The following GABRB1 variants were observed in gnomAD, a reference collection of about 807,000 sequenced individuals.
GABRB1 encodes gamma-aminobutyric acid receptor subunit beta-1.
GABRB1 carries 17 observed loss-of-function variants against 51.6 expected under a neutral mutation model. The ratio of observed to expected loss-of-function variants is 0.33; its 90% CI spans 0.23 to 0.49. The LOEUF (loss-of-function observed/expected upper bound fraction) is 0.49, where lower values mean the gene tolerates loss of function less well. GABRB1 is among the 20% of genes least tolerant of loss of function. The pLI is 0.99. For missense variants in GABRB1, 410 were observed against 600.6 expected (o/e 0.68, Z 3.32); for synonymous variants, 247 against 218.9 (o/e 1.13, Z -1.14).
At chr4:47,162,749 G>T (rs1352060663) in intron 4 of GABRB1, among the ~76,000 whole-genome samples, 1 of 152,010 alleles carries the variant, frequency 6.6e-6, no homozygotes. Flanking sequence ...CCATTCAAGT[G>T]CACTTAGAAG....
At chr4:47,301,010 T>C (rs1724238623) in intron 4 of GABRB1, among the ~76,000 whole-genome samples, 1 of 152,150 alleles carries the variant, frequency 6.6e-6, no homozygotes, top group African/African-American at 2.4e-5. Context: ...TGAAACCAAA[T>C]TCCCAGTCAT....
chr4:47,388,258 G>T (rs1157191558), intron 5 of GABRB1, among the ~76,000 whole-genome samples: 3 of 152,332 alleles, frequency 2.0e-5, no homozygotes, highest in Middle Eastern at 3.4e-3. Flanking sequence ...AATGCCTGGA[G>T]TCTAAATGCC....
intron 5 of GABRB1, among the ~76,000 whole-genome samples, chr4:47,371,576 T>C (rs536909469): frequency 6.6e-6 from 1 of 152,220 alleles, no homozygotes; most frequent in Non-Finnish European, 1.5e-5. Context: ...TGTTCCTTTT[T>C]CTCCACAACC....
intron 5 of GABRB1, among the ~76,000 whole-genome samples, chr4:47,320,770 CTTTTT>C (rs11313211): frequency 9.5e-6 from 1 of 105,032 alleles, no homozygotes; most frequent in Admixed American, 1.0e-4. Context: ...TTTCTTTTTT[CTTTTT>C]TTTTTTTTTT....
intron 3 of GABRB1, among the ~76,000 whole-genome samples, chr4:47,070,193 G>A (rs1191177363): frequency 2.0e-5 from 3 of 151,838 alleles, no homozygotes; most frequent in Non-Finnish European, 4.4e-5. Context: ...GCACCACCAT[G>A]CCCAGCTAAT....
intron 3 of GABRB1, among the ~76,000 whole-genome samples, chr4:47,094,063 A>T (rs1466253245): frequency 6.6e-6 from 1 of 151,828 alleles, no homozygotes; most frequent in African/African-American, 2.4e-5. Context: ...GGAGGGAGTG[A>T]TGTTCTAACA....
chr4:47,254,361 G>GGTTTTTTTTTTTTTTTTTTTTTT lies in GABRB1; in HGVS notation c.462-65766_462-65765insGTTTTTTTTTTTTTTTTTTTTTT, dbSNP rs1305298443. On this transcript the variant is annotated intron_variant, in intron 4 of 8. Coordinates refer to ENST00000295454, the MANE Select transcript of GABRB1 (RefSeq NM_000812.4). ...ATGGTGGATGATGTTTCTTTTCTTT[G>GGTTTTTTTTTTTTTTTTTTTTTT]TTTTTTTTTTTTTTTTTTTTTTTTT... is the stretch of plus-strand genomic sequence containing the variant. Among the ~76,000 whole-genome samples, 9 of 80,966 alleles carry GGTTTTTTTTTTTTTTTTTTTTTT rather than the reference G, an allele frequency of 1.1e-4. 3 individuals carry two copies. Among genetic ancestry groups the GGTTTTTTTTTTTTTTTTTTTTTT allele is most frequent in the African/African-American group, 2.1e-4 (4 of 19,264 alleles). The allele number at this position is 80,966 out of a possible 152,430, so 53.1% of individuals were successfully genotyped here.
At chr4:47,380,267 T>G (rs1727547608) in intron 5 of GABRB1, among the ~76,000 whole-genome samples, 1 of 152,226 alleles carries the variant, frequency 6.6e-6, no homozygotes, top group Non-Finnish European at 1.5e-5. Flanking sequence ...GTAATAACTT[T>G]AGTAAAAGAT....
upstream of GABRB1, among the ~76,000 whole-genome samples, chr4:47,030,797 A>G (rs1325738256): frequency 6.6e-6 from 1 of 152,164 alleles, no homozygotes; most frequent in Non-Finnish European, 1.5e-5. Context: ...AATGCTGTCA[A>G]TTTAAGAAGG....
chr4:47,393,735 C>CT (rs1485755907), intron 5 of GABRB1, among the ~76,000 whole-genome samples: 3 of 152,220 alleles, frequency 2.0e-5, no homozygotes, highest in Non-Finnish European at 4.4e-5. Context: ...GGCAGGCCTG[C>CT]TCTACCCATC....
At chr4:47,413,733 A>G (rs1728831758) in intron 8 of GABRB1, among the ~76,000 whole-genome samples, 1 of 152,138 alleles carries the variant, frequency 6.6e-6, no homozygotes, top group African/African-American at 2.4e-5. Flanking sequence ...CTGGCTGGGC[A>G]GTCAGGTCAA....
chr4:47,276,283 T>C (rs1355873939), intron 4 of GABRB1, among the ~76,000 whole-genome samples: 3 of 152,112 alleles, frequency 2.0e-5, no homozygotes, highest in East Asian at 3.9e-4. Flanking sequence ...TTTGCTTATA[T>C]TTGGTTGTCA....
rs112057484 is a variant in GABRB1, at chr4:47,367,629, G to A, written c.545-35689G>A. On this transcript the variant is annotated intron_variant, in intron 5 of 8. Coordinates refer to ENST00000295454, the MANE Select transcript of GABRB1 (RefSeq NM_000812.4). Reference sequence around the variant, plus strand: ...TTCCCTAGAACTCCTTTGCTGTCCCGTGTGGCAGCTCTTTGTAGTTTCTTG... The same window carrying A: ...TTCCCTAGAACTCCTTTGCTGTCCCATGTGGCAGCTCTTTGTAGTTTCTTG... Among the ~76,000 whole-genome samples, 918 of 152,284 alleles carry A rather than the reference G, an allele frequency of 6.0e-3. 9 individuals are homozygous for A. The highest frequency in any genetic ancestry group is 0.02 in the African/African-American group (847 of 41,554).
rs34566582 is a variant in GABRB1, at chr4:47,311,060, C to CAAA, written c.462-9046_462-9044dup. On this transcript the variant is annotated intron_variant, in intron 4 of 8. Coordinates refer to ENST00000295454, the MANE Select transcript of GABRB1 (RefSeq NM_000812.4). Reference sequence around the variant, plus strand: ...TGGGTAACAGAGAGCAACTCTGTCTCAAAAAAAAAAAAAAAAAAAAAAACA... The same window carrying CAAA: ...TGGGTAACAGAGAGCAACTCTGTCTCAAAAAAAAAAAAAAAAAAAAAAAAAACA... Among the ~76,000 whole-genome samples, 140 of 51,866 alleles carry CAAA rather than the reference C, an allele frequency of 2.7e-3. 2 individuals carry two copies. The highest frequency in any genetic ancestry group is 3.0e-3 in the Non-Finnish European group (93 of 30,574). 34.0% of individuals were successfully genotyped at this position (51,866 alleles called of 152,430 possible).
chr4:47,324,600 C>A, intron 5 of GABRB1, among the ~76,000 whole-genome samples: 1 of 152,198 alleles, frequency 6.6e-6, no homozygotes, highest in South Asian at 2.1e-4. Flanking sequence ...TACCCACCTC[C>A]CGCCTCTGCT....
chr4:47,062,763 A>G (rs1416217297), intron 3 of GABRB1, among the ~76,000 whole-genome samples: 1 of 152,082 alleles, frequency 6.6e-6, no homozygotes, highest in East Asian at 1.9e-4. Flanking sequence ...CTCTGTTTTG[A>G]TTCTTTTACC....
chr4:47,254,057 T>C (rs1039869849), intron 4 of GABRB1, among the ~76,000 whole-genome samples: 4 of 152,182 alleles, frequency 2.6e-5, no homozygotes, highest in African/African-American at 9.6e-5. Context: ...GGGCATCTTA[T>C]TTTAAAACAA....
chr4:47,215,514 G>T (rs73144191), intron 4 of GABRB1, among the ~76,000 whole-genome samples: 2,269 of 151,904 alleles, frequency 0.015, 51 homozygotes, highest in African/African-American at 0.052. Flanking sequence ...AGGTAGAGAA[G>T]GGGGAAAAAT....
intron 4 of GABRB1, among the ~76,000 whole-genome samples, chr4:47,181,133 T>C (rs1718928670): frequency 1.3e-5 from 2 of 152,052 alleles, no homozygotes; most frequent in Non-Finnish European, 2.9e-5. Flanking sequence ...ATTTTCTCTA[T>C]ACTTTCCTTT....
Sources: gnomAD v4.1 joint callset for allele counts (sites outside exome capture counted in the v4.1 genomes callset) on GRCh38, gnomAD v4.1.1 for gene constraint, MANE v1.5 for transcripts, NCBI Gene and HGNC (gene_info 2026-07-23, HGNC 2026-07-21) for gene names.